SPMIP2: variants seen among roughly 807,000 people sequenced by gnomAD.
SPMIP2 encodes the protein protein SPMIP2.
the SPMIP2 span, among the ~76,000 whole-genome samples, chr4:159,036,473 G>A: frequency 2.6e-5 from 4 of 152,152 alleles, no homozygotes; most frequent in Non-Finnish European, 4.4e-5. Flanking sequence ...TTCTCACCAG[G>A]TTGGTCAAGG....
At chr4:159,047,127 GAAC>G in the SPMIP2 span, among the ~76,000 whole-genome samples, 1 of 152,022 alleles carries the variant, frequency 6.6e-6, no homozygotes, top group Non-Finnish European at 1.5e-5. Context: ...TTATGCTCTG[GAAC>G]CTAGCATTTA....
the SPMIP2 span, among the ~76,000 whole-genome samples, chr4:159,068,013 A>T: frequency 6.6e-6 from 1 of 152,234 alleles, no homozygotes; most frequent in Admixed American, 6.5e-5. Flanking sequence ...AGGAAACAAC[A>T]GTTGCTGGAG....
chr4:158,973,395 G>T, the SPMIP2 span: 1 of 812,794 alleles, frequency 1.2e-6, no homozygotes, highest in Non-Finnish European at 1.9e-6. Flanking sequence ...AATACTAATA[G>T]CCAATAATTA....
chr4:159,004,343 T>C, the SPMIP2 span, among the ~76,000 whole-genome samples: 88 of 134,352 alleles, frequency 6.5e-4, no homozygotes, highest in African/African-American at 2.1e-3. Flanking sequence ...CAGGCTGGAG[T>C]GCAGTGGTGC....
the SPMIP2 span, among the ~76,000 whole-genome samples, chr4:158,897,310 G>A: frequency 7.9e-5 from 12 of 152,232 alleles, no homozygotes; most frequent in South Asian, 2.1e-4. Flanking sequence ...ATACATGTGC[G>A]TGTGTCTTTA....
the SPMIP2 span, among the ~76,000 whole-genome samples, chr4:159,079,704 G>A: frequency 2.0e-5 from 3 of 152,030 alleles, no homozygotes; most frequent in African/African-American, 7.3e-5. Context: ...CTTTAATTTG[G>A]TGTTCTATGT....
the SPMIP2 span, chr4:158,904,336 T>C: frequency 5.1e-6 from 4 of 790,690 alleles, no homozygotes; most frequent in Non-Finnish European, 8.0e-6. Flanking sequence ...TTTTGCTTTT[T>C]CATTAGTTTT....
chr4:159,079,326 G>C, the SPMIP2 span, among the ~76,000 whole-genome samples: 1 of 152,064 alleles, frequency 6.6e-6, no homozygotes, highest in South Asian at 2.1e-4. Flanking sequence ...ACTCCAGAGA[G>C]CTTCCTTGCC....
the SPMIP2 span, among the ~76,000 whole-genome samples, chr4:159,065,458 C>G: frequency 6.6e-6 from 1 of 152,134 alleles, no homozygotes; most frequent in African/African-American, 2.4e-5. Context: ...TGGCTCACAC[C>G]TGTAATCCCA....
chr4:158,894,011 C>G, the SPMIP2 span, among the ~76,000 whole-genome samples: 2 of 151,906 alleles, frequency 1.3e-5, no homozygotes, highest in Admixed American at 1.3e-4. Flanking sequence ...GATTAAATGG[C>G]TTTTAGAACC....
the SPMIP2 span, among the ~76,000 whole-genome samples, chr4:159,063,955 T>C: frequency 2.0e-5 from 3 of 152,326 alleles, no homozygotes; most frequent in African/African-American, 7.2e-5. Flanking sequence ...AAAGGAATTG[T>C]TTCTAAAATC....
the SPMIP2 span, among the ~76,000 whole-genome samples, chr4:158,920,414 T>C: frequency 6.6e-6 from 1 of 152,200 alleles, no homozygotes; most frequent in Non-Finnish European, 1.5e-5. Context: ...TAAATGGACG[T>C]GCAAGTAGGA....
At chr4:159,062,077 G>T in the SPMIP2 span, among the ~76,000 whole-genome samples, 11 of 152,318 alleles carry the variant, frequency 7.2e-5, no homozygotes, top group Admixed American at 4.6e-4. Flanking sequence ...TCGGGAGCTA[G>T]ACCTCAGCAG....
At chr4:159,066,589 TTATATATATATATATA>T in the SPMIP2 span, among the ~76,000 whole-genome samples, 6 of 76,632 alleles carry the variant, frequency 7.8e-5, no homozygotes, top group South Asian at 4.4e-4. Context: ...TGTGTGTATT[TTATATATATATATATA>T]TATATATATA....
At chr4:159,034,506 T>C in the SPMIP2 span, among the ~76,000 whole-genome samples, 8 of 152,206 alleles carry the variant, frequency 5.3e-5, no homozygotes, top group African/African-American at 9.6e-5. Flanking sequence ...TCAGATATAG[T>C]GACAACTGCT....
chr4:158,975,392 G>T, the SPMIP2 span, among the ~76,000 whole-genome samples: 6 of 152,154 alleles, frequency 3.9e-5, no homozygotes, highest in Non-Finnish European at 8.8e-5. Context: ...GTCCTGAATG[G>T]TATTGCCTAG....
At chr4:158,975,236 G>A in the SPMIP2 span, among the ~76,000 whole-genome samples, 1,654 of 150,204 alleles carry the variant, frequency 0.011, 19 homozygotes, top group Non-Finnish European at 0.017. Flanking sequence ...ATTTTCTCCC[G>A]TTCTGTAGGT....
At chr4:159,036,415 G>T in the SPMIP2 span, among the ~76,000 whole-genome samples, 1 of 152,160 alleles carries the variant, frequency 6.6e-6, no homozygotes, top group Non-Finnish European at 1.5e-5. Context: ...TTTTCCAGGG[G>T]AGCCTATGTC....
At chr4:159,025,475 A>AT in the SPMIP2 span, among the ~76,000 whole-genome samples, 1 of 152,168 alleles carries the variant, frequency 6.6e-6, no homozygotes, top group Non-Finnish European at 1.5e-5. Context: ...CAAAATCTGC[A>AT]TTTTAACAAG....
Sources: allele counts gnomAD v4.1 joint callset (sites outside exome capture counted in the v4.1 genomes callset), GRCh38; gene constraint gnomAD v4.1.1; transcripts MANE v1.5; gene names NCBI Gene and HGNC (gene_info 2026-07-23, HGNC 2026-07-21).